KAZN: variants seen among roughly 807,000 people sequenced by gnomAD.
KAZN encodes kazrin, periplakin interacting protein, also known as kazrin.
In KAZN, 40 loss-of-function variants were observed where a neutral mutation model predicts 87.4. The ratio of observed to expected loss-of-function variants is 0.46; its 90% CI spans 0.36 to 0.60. The LOEUF is 0.60. KAZN is among the 20% of genes least tolerant of loss of function. The pLI is 0.00. For synonymous variants in KAZN, 466 were observed against 458.3 expected, an observed-to-expected ratio of 1.02 and a Z score of -0.22; for missense variants, 898 against 1,073.9, an observed-to-expected ratio of 0.84 and a Z score of 2.29.
chr1:14,447,278 G>A (rs371214766), intron 2 of KAZN, among the ~76,000 whole-genome samples: 4 of 147,784 alleles, frequency 2.7e-5, no homozygotes, highest in East Asian at 2.0e-4. Flanking sequence ...TTGCTCTGTC[G>A]CCCAGGCTGG....
intron 1 of KAZN, among the ~76,000 whole-genome samples, chr1:14,861,002 G>C (rs1650777657): frequency 6.6e-6 from 1 of 152,142 alleles, no homozygotes; most frequent in South Asian, 2.1e-4. Context: ...GTGAAGGAAG[G>C]GAAAGAGAGA....
At chr1:14,918,469 A>C (rs1216858976) in intron 1 of KAZN, among the ~76,000 whole-genome samples, 1 of 151,760 alleles carries the variant, frequency 6.6e-6, no homozygotes, top group African/African-American at 2.4e-5. Context: ...TGAGGTCAGG[A>C]GTTCGAGACC....
rs57203868 is a variant in KAZN, at chr1:14,727,450, C to CTTTTTTTTTTTTTTTTTTTT, written c.226+128254_226+128273dup. 1.6e-4 allele frequency among the ~76,000 whole-genome samples: 12 copies of CTTTTTTTTTTTTTTTTTTTT among 73,914 alleles called. 2 individuals carry two copies. Among genetic ancestry groups the CTTTTTTTTTTTTTTTTTTTT allele is most frequent in the Non-Finnish European group, 2.6e-4 (10 of 38,996 alleles). 48.5% of individuals were successfully genotyped at this position (73,914 alleles called of 152,430 possible). A position where few individuals can be genotyped will look rare whatever the true frequency, so the allele number is the denominator to read the frequency against. On this transcript the variant is annotated intron_variant, in intron 1 of 14. Coordinates refer to ENST00000376030, the MANE Select transcript of KAZN (RefSeq NM_201628.3). ...GTCCATCACATTTATTGTGCACTTTCTTTTTTTTTTTTTTTTTTTTTTTTT... is the reference window on the plus strand; with the variant it reads ...GTCCATCACATTTATTGTGCACTTTCTTTTTTTTTTTTTTTTTTTTTTTTTTTTTTTTTTTTTTTTTTTTT...
chr1:14,744,082 G>A (rs1375868214), intron 1 of KAZN, among the ~76,000 whole-genome samples: 1 of 152,186 alleles, frequency 6.6e-6, no homozygotes, highest in Non-Finnish European at 1.5e-5. Context: ...TGCTTGTTGA[G>A]GGGAGACGGT....
At chr1:14,872,751 G>A (rs992746652) in intron 1 of KAZN, among the ~76,000 whole-genome samples, 8 of 152,212 alleles carry the variant, frequency 5.3e-5, no homozygotes, top group Non-Finnish European at 8.8e-5. Context: ...TGGATGGTTC[G>A]ATGGATGGAT....
intron 1 of KAZN, among the ~76,000 whole-genome samples, chr1:14,096,602 T>C (rs905384963): frequency 1.3e-5 from 2 of 152,222 alleles, no homozygotes; most frequent in African/African-American, 4.8e-5. Context: ...ATTGAGCACT[T>C]ACTACGTGCC....
intron 2 of KAZN, among the ~76,000 whole-genome samples, chr1:14,582,211 T>G (rs768713766): frequency 6.6e-6 from 1 of 152,126 alleles, no homozygotes; most frequent in African/African-American, 2.4e-5. Context: ...CTGTTGACTT[T>G]CTAGATCAAA....
chr1:15,057,031 G>C (rs1232011293), intron 5 of KAZN, among the ~76,000 whole-genome samples: 1 of 152,250 alleles, frequency 6.6e-6, no homozygotes, highest in Admixed American at 6.5e-5. Context: ...AAGGCTGCAG[G>C]CTGGGCTGGC....
chr1:14,690,623 C>T (rs768644209), intron 1 of KAZN, among the ~76,000 whole-genome samples: 1 of 152,098 alleles, frequency 6.6e-6, no homozygotes, highest in Non-Finnish European at 1.5e-5. Flanking sequence ...CAGAGCCATT[C>T]ACCAAGAAGG....
At chr1:15,022,985 C>T (rs1271093255) in intron 2 of KAZN, among the ~76,000 whole-genome samples, 1 of 152,244 alleles carries the variant, frequency 6.6e-6, no homozygotes, top group African/African-American at 2.4e-5. Flanking sequence ...CTTTACCTGC[C>T]AGGGGCTGTG....
intron 1 of KAZN, among the ~76,000 whole-genome samples, chr1:14,635,141 T>A (rs1679870712): frequency 6.6e-6 from 1 of 152,186 alleles, no homozygotes; most frequent in Non-Finnish European, 1.5e-5. Context: ...TCAGTGAACG[T>A]GAGCTTTGCG....
intron 1 of KAZN, among the ~76,000 whole-genome samples, chr1:14,663,631 CAAAACAA>C (rs1256796712): frequency 2.0e-5 from 3 of 151,812 alleles, no homozygotes; most frequent in African/African-American, 7.3e-5. Context: ...AAAAACAAAA[CAAAACAA>C]AAAACAAACA....
chr1:14,622,817 C>T (rs888789096), intron 1 of KAZN, among the ~76,000 whole-genome samples: 1 of 151,968 alleles, frequency 6.6e-6, no homozygotes, highest in Non-Finnish European at 1.5e-5. Context: ...GTGTCAAAAA[C>T]TTTGTCTTTG....
intron 1 of KAZN, among the ~76,000 whole-genome samples, chr1:14,650,644 C>T (rs1239856263): frequency 6.6e-6 from 1 of 152,186 alleles, no homozygotes; most frequent in African/African-American, 2.4e-5. Flanking sequence ...CTTTCAGTAT[C>T]TTTTGACTAA....
At chr1:13,930,704 T>C (rs16853208) in intron 1 of KAZN, among the ~76,000 whole-genome samples, 14,293 of 152,260 alleles carry the variant, frequency 0.094, 749 homozygotes, top group Middle Eastern at 0.13. Flanking sequence ...GACTTAGTCA[T>C]TGGAGAAGGT....
intron 1 of KAZN, among the ~76,000 whole-genome samples, chr1:14,649,053 G>A (rs1038725674): frequency 6.6e-6 from 1 of 152,228 alleles, no homozygotes; most frequent in Admixed American, 6.5e-5. Context: ...AATGAAGTGT[G>A]CCCTGATTTG....
At chr1:14,556,671 A>G (rs980425357) in intron 2 of KAZN, among the ~76,000 whole-genome samples, 2 of 152,224 alleles carry the variant, frequency 1.3e-5, no homozygotes, top group South Asian at 4.1e-4. Flanking sequence ...GTAACCATTC[A>G]TGCAAGAATT....
intron 2 of KAZN, among the ~76,000 whole-genome samples, chr1:14,254,702 G>A (rs1410841289): frequency 4.6e-5 from 7 of 151,814 alleles, no homozygotes; most frequent in African/African-American, 1.7e-4. Context: ...CCTGAGACTG[G>A]GTAATTTATT....
At chr1:14,977,842 C>T (rs563697463) in intron 2 of KAZN, among the ~76,000 whole-genome samples, 82 of 149,354 alleles carry the variant, frequency 5.5e-4, no homozygotes, top group African/African-American at 1.8e-3. Flanking sequence ...TGACTGTTGG[C>T]CGTTGTCTCT....
Sources: gnomAD v4.1 joint callset for allele counts (sites outside exome capture counted in the v4.1 genomes callset) on GRCh38, gnomAD v4.1.1 for gene constraint, MANE v1.5 for transcripts, NCBI Gene and HGNC (gene_info 2026-07-23, HGNC 2026-07-21) for gene names.